TRPM3: variants seen among roughly 807,000 people sequenced by gnomAD.
TRPM3 encodes the protein transient receptor potential cation channel subfamily M member 3.
A neutral mutation model predicts 181.2 loss-of-function variants in TRPM3; 77 were observed. That is an observed-to-expected ratio of 0.42 (90% CI 0.35 to 0.51). The LOEUF (loss-of-function observed/expected upper bound fraction) is 0.51. Ranked by LOEUF, TRPM3 falls within the 20% of genes least tolerant of loss-of-function variation. TRPM3 has a pLI of 0.01. For missense variants in TRPM3, 1,759 were observed against 2,196.7 expected, an observed-to-expected ratio of 0.80 and a Z score of 3.98; for synonymous variants, 745 against 796.4, an observed-to-expected ratio of 0.94 and a Z score of 1.09.
intron 1 of TRPM3, among the ~76,000 whole-genome samples, chr9:71,411,061 G>T (rs1180155822): frequency 2.0e-5 from 3 of 152,160 alleles, no homozygotes; most frequent in Non-Finnish European, 2.9e-5. Flanking sequence ...AGCCCTTCAT[G>T]CTAAAAACTC....
chr9:71,430,286 C>T (rs2093935320), intron 1 of TRPM3, among the ~76,000 whole-genome samples: 1 of 152,108 alleles, frequency 6.6e-6, no homozygotes, highest in Non-Finnish European at 1.5e-5. Flanking sequence ...AAATGCTAAG[C>T]ATACATCAAA....
At chr9:70,903,432 G>A (rs1262917774) in intron 1 of TRPM3, among the ~76,000 whole-genome samples, 2 of 151,984 alleles carry the variant, frequency 1.3e-5, no homozygotes, top group African/African-American at 4.8e-5. Flanking sequence ...CTTAAAGTGT[G>A]AATGGAGCTT....
In TRPM3 at chr9:71,250,008, C is replaced by T. The variant is rs1453421372; in HGVS notation, c.183+196645G>A. ...CAATGTGAAATACTAGTCTTTCATG[C>T]AGTCCTTAATTTAAGGCTTGATAAC... On this transcript the variant is annotated intron_variant, in intron 1 of 24. Coordinates refer to the TRPM3 transcript ENST00000357533. 2.0e-5 allele frequency among the ~76,000 whole-genome samples: 3 copies of T among 152,164 alleles called. No individual in the cohort carries two copies. The East Asian group carries it at 5.8e-4, about 29-fold the overall frequency.
At chr9:70,576,480 TCTCCTC>T (rs760840409) in intron 22 of TRPM3, among the ~76,000 whole-genome samples, 13 of 139,906 alleles carry the variant, frequency 9.3e-5, no homozygotes, top group South Asian at 6.9e-4. Flanking sequence ...TTCTTCTTCT[TCTCCTC>T]CTCCTCCTCC....
At chr9:71,223,919 C>T (rs2080406064) in intron 1 of TRPM3, among the ~76,000 whole-genome samples, 1 of 152,238 alleles carries the variant, frequency 6.6e-6, no homozygotes, top group Non-Finnish European at 1.5e-5. Context: ...TAGGCCCAGA[C>T]TCCTGCACAG....
intron 1 of TRPM3, among the ~76,000 whole-genome samples, chr9:71,435,820 A>G (rs923262417): frequency 6.6e-6 from 1 of 152,232 alleles, no homozygotes; most frequent in Non-Finnish European, 1.5e-5. Flanking sequence ...GATGGTTTTC[A>G]ATTACCCAGG....
At chr9:71,211,675 T>C (rs2079516010) in intron 1 of TRPM3, among the ~76,000 whole-genome samples, 1 of 152,176 alleles carries the variant, frequency 6.6e-6, no homozygotes, top group African/African-American at 2.4e-5. Flanking sequence ...CTTGCAGAAG[T>C]ATCGCCTTGA....
intron 9 of TRPM3, among the ~76,000 whole-genome samples, chr9:70,678,233 T>C (rs539859260): frequency 9.4e-4 from 143 of 152,284 alleles, no homozygotes; most frequent in African/African-American, 3.4e-3. Context: ...GCCCCTTACA[T>C]CTCTGACTGA....
chr9:71,341,467 C>T (rs1233772564), intron 1 of TRPM3, among the ~76,000 whole-genome samples: 1 of 152,056 alleles, frequency 6.6e-6, no homozygotes, highest in Non-Finnish European at 1.5e-5. Context: ...TAATGCACCA[C>T]CTCAACCTAT....
chr9:71,009,577 T>C (rs914123781), intron 1 of TRPM3, among the ~76,000 whole-genome samples: 1 of 151,946 alleles, frequency 6.6e-6, no homozygotes, highest in African/African-American at 2.4e-5. Flanking sequence ...ATGGAAGAAA[T>C]TAAAGAGGAG....
At chr9:71,330,394 G>A (rs894018685) in intron 1 of TRPM3, among the ~76,000 whole-genome samples, 26 of 151,710 alleles carry the variant, frequency 1.7e-4, no homozygotes, top group African/African-American at 5.6e-4. Context: ...CACATAAATG[G>A]CACTGTTAAA....
intron 3 of TRPM3, among the ~76,000 whole-genome samples, chr9:70,850,065 C>T (rs2095162923): frequency 6.6e-6 from 1 of 152,138 alleles, no homozygotes; most frequent in Admixed American, 6.5e-5. Flanking sequence ...GCATCCAATA[C>T]AGTTGTTTCT....
intron 1 of TRPM3, among the ~76,000 whole-genome samples, chr9:71,284,431 G>T (rs1341691494): frequency 6.6e-6 from 1 of 152,144 alleles, no homozygotes; most frequent in African/African-American, 2.4e-5. Flanking sequence ...AAAACGTGGA[G>T]AATACAACAC....
rs549693955 is a variant in TRPM3 at position 71,082,107 on chromosome 9, A to C, written c.177+39071T>G. 1.5e-3 allele frequency among the ~76,000 whole-genome samples: 219 copies of C among 145,516 alleles called. 2 individuals carry two copies. The highest frequency in any genetic ancestry group is 5.0e-3 in the African/African-American group (208 of 41,242). ...TAGCAAATAGACTTTTTAAAATATC[A>C]ATTTAGTTAAGTGTGTGTTCAGTTA... is the stretch of plus-strand genomic sequence containing the variant. On this transcript the variant is annotated intron_variant, in intron 1 of 25. Coordinates refer to ENST00000677713, the MANE Select transcript of TRPM3 (RefSeq NM_001366145.2).
At chr9:71,096,590 A>ACACACACACCCTCTCTCTCTCTCTCTCT (rs1452142664) in intron 1 of TRPM3, among the ~76,000 whole-genome samples, 2 of 89,998 alleles carry the variant, frequency 2.2e-5, no homozygotes, top group African/African-American at 1.0e-4. Context: ...ACACACACAC[A>ACACACACACCCTCTCTCTCTCTCTCTCT]CTCTCTCTCT....
chr9:70,820,526 G>A (rs967703349), intron 6 of TRPM3, among the ~76,000 whole-genome samples: 2 of 152,182 alleles, frequency 1.3e-5, no homozygotes, highest in Non-Finnish European at 2.9e-5. Context: ...ATTGCGCCGA[G>A]CCTGTTATAA....
intron 1 of TRPM3, among the ~76,000 whole-genome samples, chr9:71,405,886 C>T (rs2093426573): frequency 6.6e-6 from 1 of 152,170 alleles, no homozygotes; most frequent in Non-Finnish European, 1.5e-5. Flanking sequence ...TTTATTGCTT[C>T]ACATCTAAGT....
intron 1 of TRPM3, among the ~76,000 whole-genome samples, chr9:71,182,418 G>C (rs1248514017): frequency 6.6e-6 from 1 of 152,010 alleles, no homozygotes. Context: ...GTTCCTTTAA[G>C]ACCTCAAATG....
At chr9:71,003,207 A>AC (rs58839849) in intron 1 of TRPM3, among the ~76,000 whole-genome samples, 33,546 of 147,848 alleles carry the variant, frequency 0.23, 4,464 homozygotes, top group East Asian at 0.33. Flanking sequence ...AAAAAAAAAA[A>AC]AAAACACTTA....
Sources: gnomAD v4.1 joint callset for allele counts (sites outside exome capture counted in the v4.1 genomes callset) on GRCh38, gnomAD v4.1.1 for gene constraint, MANE v1.5 for transcripts, NCBI Gene and HGNC (gene_info 2026-07-23, HGNC 2026-07-21) for gene names.